The following WLS variants were observed in gnomAD, a reference collection of about 807,000 sequenced individuals.
WLS encodes Wnt ligand secretion mediator.
Under a neutral mutation model 62.8 loss-of-function variants are expected in WLS, and 23 were observed. The observed-to-expected ratio is 0.37, with a 90% CI of 0.26 to 0.52. The LOEUF is 0.52. Among genes scored for constraint, WLS ranks in the 20% least tolerant of loss-of-function variants. The pLI is 0.92. For synonymous variants in WLS, 246 were observed against 244.1 expected, an observed-to-expected ratio of 1.01 and a Z score of -0.07; for missense variants, 615 against 697.3, an observed-to-expected ratio of 0.88 and a Z score of 1.33.
intron 1 of WLS, among the ~76,000 whole-genome samples, chr1:68,228,819 G>A (rs1460942782): frequency 1.0e-4 from 10 of 96,106 alleles, no homozygotes; most frequent in Non-Finnish European, 1.9e-4. Context: ...CCCATTAAAG[G>A]TTTAGCTTAC....
At chr1:68,166,846 C>T (rs1018907650) in intron 2 of WLS, among the ~76,000 whole-genome samples, 9 of 152,124 alleles carry the variant, frequency 5.9e-5, no homozygotes, top group Non-Finnish European at 8.8e-5. Context: ...GAGGTGAAGA[C>T]GCCATAACTC....
chr1:68,110,684 T>TCC (rs1646215691), intron 11 of WLS, among the ~76,000 whole-genome samples: 1 of 131,652 alleles, frequency 7.6e-6, no homozygotes, highest in African/African-American at 2.7e-5. Flanking sequence ...TCTCTCTCTC[T>TCC]CTCTCTCCAT....
intron 2 of WLS, among the ~76,000 whole-genome samples, chr1:68,168,815 A>G (rs1276281106): frequency 6.6e-6 from 1 of 152,168 alleles, no homozygotes; most frequent in Admixed American, 6.5e-5. Flanking sequence ...TTATGCCAGC[A>G]TTCCTTCCCC....
chr1:68,187,356 A>T (rs931281782), intron 2 of WLS, among the ~76,000 whole-genome samples: 1 of 152,040 alleles, frequency 6.6e-6, no homozygotes, highest in Non-Finnish European at 1.5e-5. Context: ...TATGCCCCCT[A>T]TTAAGTGCTA....
intron 11 of WLS, among the ~76,000 whole-genome samples, chr1:68,136,571 A>G (rs571577542): frequency 3.9e-4 from 60 of 152,368 alleles, no homozygotes; most frequent in African/African-American, 1.4e-3. Flanking sequence ...AGGCATTAAC[A>G]TGTATTGCAG....
chr1:68,231,691 T>C, intron 1 of WLS: 1 of 456,322 alleles, frequency 2.2e-6, no homozygotes, highest in Non-Finnish European at 4.4e-6. Flanking sequence ...GACGACCAAA[T>C]GCATTTACAA....
intron 1 of WLS, among the ~76,000 whole-genome samples, chr1:68,206,366 C>A (rs1054097558): frequency 4.6e-5 from 7 of 152,114 alleles, no homozygotes; most frequent in African/African-American, 9.7e-5. Context: ...GGAAGGAAAT[C>A]TGAGATCAAT....
At chr1:68,106,564 G>A (rs566759346) in intron 11 of WLS, among the ~76,000 whole-genome samples, 224 of 152,304 alleles carry the variant, frequency 1.5e-3, no homozygotes, top group African/African-American at 4.9e-3. Flanking sequence ...TTCCAGAAAC[G>A]TGTCCCTTGC....
intron 10 of WLS, among the ~76,000 whole-genome samples, chr1:68,141,950 A>T (rs566844380): frequency 6.6e-6 from 1 of 152,288 alleles, no homozygotes; most frequent in South Asian, 2.1e-4. Context: ...ACCCCCTTAG[A>T]GTTGAAATCC....
chr1:68,121,539 C>A (rs952062882), downstream of WLS, among the ~76,000 whole-genome samples: 1 of 152,148 alleles, frequency 6.6e-6, no homozygotes, highest in African/African-American at 2.4e-5. Context: ...TCTCAGAAAC[C>A]AAGTTATCCC....
intron 9 of WLS, among the ~76,000 whole-genome samples, chr1:68,145,320 A>T (rs1646738399): frequency 6.6e-6 from 1 of 152,186 alleles, no homozygotes; most frequent in African/African-American, 2.4e-5. Context: ...TAAATCAAGG[A>T]TGTGTTGCTT....
At chr1:68,187,697 G>T (rs1334997275) in intron 2 of WLS, among the ~76,000 whole-genome samples, 2 of 151,892 alleles carry the variant, frequency 1.3e-5, no homozygotes, top group African/African-American at 4.8e-5. Context: ...TAAACAGGGA[G>T]CTTTCAATAC....
At chr1:68,188,390 A>C (rs1648093451) in intron 2 of WLS, among the ~76,000 whole-genome samples, 1 of 152,204 alleles carries the variant, frequency 6.6e-6, no homozygotes, top group Admixed American at 6.5e-5. Context: ...ACAGCTCCCT[A>C]AACACAAAGC....
chr1:68,214,199 A>ACACACACACACACACG (rs761676326), intron 1 of WLS, among the ~76,000 whole-genome samples: 360 of 151,942 alleles, frequency 2.4e-3, no homozygotes, highest in African/African-American at 8.1e-3. Flanking sequence ...ACACACACAC[A>ACACACACACACACACG]CACACACACA....
chr1:68,217,337 C>T (rs950592879), intron 1 of WLS, among the ~76,000 whole-genome samples: 2 of 152,330 alleles, frequency 1.3e-5, no homozygotes, highest in East Asian at 3.9e-4. Flanking sequence ...CAATTACCCC[C>T]TTTGGTGCCA....
intron 3 of WLS, among the ~76,000 whole-genome samples, chr1:68,157,580 C>CTTT (rs11378232): frequency 6.8e-6 from 1 of 146,740 alleles, no homozygotes. Context: ...GGCAACTTGA[C>CTTT]TTTTTTTTTT....
chr1:68,230,949 G>A (rs891035409), intron 1 of WLS, among the ~76,000 whole-genome samples: 2 of 152,148 alleles, frequency 1.3e-5, no homozygotes, highest in African/African-American at 4.8e-5. Flanking sequence ...GCCCCCGGGC[G>A]TTTTCCCCGC....
chr1:68,181,300 G>A (rs533049358), intron 2 of WLS, among the ~76,000 whole-genome samples: 1 of 152,260 alleles, frequency 6.6e-6, no homozygotes, highest in Admixed American at 6.5e-5. Context: ...GCTGCTTCTG[G>A]CTTCTCTGCT....
intron 2 of WLS, among the ~76,000 whole-genome samples, chr1:68,179,704 C>T (rs975510893): frequency 1.3e-5 from 2 of 152,166 alleles, no homozygotes; most frequent in Admixed American, 1.3e-4. Flanking sequence ...GGAAAGTCAA[C>T]TCTTATAGTC....
Sources: allele counts gnomAD v4.1 joint callset (sites outside exome capture counted in the v4.1 genomes callset), GRCh38; gene constraint gnomAD v4.1.1; transcripts MANE v1.5; gene names NCBI Gene and HGNC (gene_info 2026-07-23, HGNC 2026-07-21).